The following TEKT4 variants were observed in gnomAD, a reference collection of about 807,000 sequenced individuals.
The protein encoded by TEKT4 is tektin-4.
Under a neutral mutation model 46.0 loss-of-function variants are expected in TEKT4, and 46 were observed. The ratio of observed to expected loss-of-function variants is 1.00; its 90% CI spans 0.79 to 1.28. The LOEUF is 1.28. Ranked by LOEUF, TEKT4 falls within the 50% of genes most tolerant of loss-of-function variation. The probability of loss-of-function intolerance (pLI) is 0.00; values close to 1 mark genes in which losing one functional copy is unlikely to be tolerated. For missense variants in TEKT4, 790 were observed against 622.9 expected (o/e 1.27, Z -2.85); for synonymous variants, 325 against 265.8 (o/e 1.22, Z -2.17).
rs1680857001 is a variant in TEKT4, at chr2:94,876,433, C to T, written c.1092-120C>T. On this transcript the variant is annotated intron_variant, in intron 5 of 5. Transcript: ENST00000295201. The stretch of plus-strand genomic sequence containing the variant: ...AGCTGCTTTCCTGATGGGGTTCTTT[C>T]ATGGAGTCTTCCCAGGACCTCCTGC... The T allele has an allele frequency of 1.5e-5, 12 of 797,162 alleles. 1 individual carries two copies. In the South Asian group the frequency reaches 2.1e-4, roughly 14 times the overall value. The allele number at this position is 797,162 out of a possible 1,614,324, so 49.4% of individuals were successfully genotyped here.
At position 94,874,089 on chromosome 2, in the gene TEKT4, T is replaced by G. The variant is rs559993035; in HGVS notation, c.694T>G (p.Ser232Ala). The G allele has an allele frequency of 6.2e-7, 1 of 1,613,402 alleles. No homozygotes were observed. Among genetic ancestry groups the G allele is most frequent in the Non-Finnish European group, 8.5e-7 (1 of 1,179,910 alleles). ...CACCGAGGTGCAGGCTCATCCGTAC[T>G]CCACCACCTTCCAAGAGAGGTGGGC... ...QSTEVQAHPY[S>A]TTFQESASTP... Residue 232 changes from serine to alanine, a missense_variant, in exon 3 of 6, where the codon TCC (serine) becomes GCC (alanine). Ser to Ala is a moderately conservative substitution (Grantham distance 99). Transcript: ENST00000295201.
At position 94,874,113 on chromosome 2, in the gene TEKT4, G is replaced by A. The variant is rs1553395606; in HGVS notation, c.713+5G>A. ...CTCCACCACCTTCCAAGAGAGGTGG[G>A]CCCCAGCTCTGCCCCTGCACTTGCC... is the stretch of plus-strand genomic sequence containing the variant. On this transcript the variant is annotated splice_donor_5th_base_variant and intron_variant, in intron 3 of 5. Transcript: ENST00000295201. The A allele has an allele frequency of 6.2e-6, 10 of 1,613,026 alleles. No homozygotes were observed. The highest frequency in any genetic ancestry group is 8.5e-6 in the Non-Finnish European group (10 of 1,179,702).
In TEKT4 at chr2:94,872,134, C is replaced by CT; in HGVS notation, c.498+57_498+58insT. 8 of 1,475,768 alleles carry CT rather than the reference C, an allele frequency of 5.4e-6. No individual in the cohort carries two copies. The Middle Eastern group carries it at 7.0e-4, about 129-fold the overall frequency. 91.4% of individuals were successfully genotyped at this position (1,475,768 alleles called of 1,614,324 possible). ...GGGCGCAGAGAGGAGGAGCCCCCCC[C>CT]CCCGCAGTTCATGTGGACAAGCCAC... is the stretch of plus-strand genomic sequence containing the variant. On this transcript the variant is annotated intron_variant, in intron 1 of 5. Coordinates refer to ENST00000295201, the MANE Select transcript of TEKT4 (RefSeq NM_144705.4).
intron 1 of TEKT4, chr2:94,872,792 T>G: frequency 7.8e-7 from 1 of 1,285,644 alleles, no homozygotes; most frequent in South Asian, 1.2e-5. Context: ...ATGCCTTCCC[T>G]CCTCCCTTCT....
rs1166658038 is a variant in TEKT4, at chr2:94,872,290, T to A, written c.498+213T>A. The A allele has an allele frequency of 2.2e-5, 14 of 625,012 alleles. No homozygotes were observed. The East Asian group carries it at 3.9e-4, about 17-fold the overall frequency. 38.7% of individuals were successfully genotyped at this position (625,012 alleles called of 1,614,324 possible). A position where few individuals can be genotyped will look rare whatever the true frequency, so the allele number is the denominator to read the frequency against. ...CTGACTTCCAAGCAGCTGTTTCTCC[T>A]CTCCTCCTCTAATCCCTTTGAGTCC... On this transcript the variant is annotated intron_variant, in intron 1 of 5. Transcript: ENST00000295201.
Position 94,872,743 on chromosome 2 carries a change from C to G in TEKT4, c.498+666C>G, listed in dbSNP as rs188278481. The G allele has an allele frequency of 3.8e-3, 4,423 of 1,158,210 alleles. 12 individuals carry two copies. Among genetic ancestry groups the G allele is most frequent in the Middle Eastern group, 0.013 (56 of 4,332 alleles). The allele number at this position is 1,158,210 out of a possible 1,614,324, so 71.7% of individuals were successfully genotyped here. On this transcript the variant is annotated intron_variant, in intron 1 of 5. Transcript: ENST00000295201. Reference sequence around the variant, plus strand: ...GGGCAGCTGGTCTCCTGCCATACCCCAAGCTCAGGCAAGAACCCTTGAGTC... The same window carrying G: ...GGGCAGCTGGTCTCCTGCCATACCCGAAGCTCAGGCAAGAACCCTTGAGTC...
rs76429495 is a variant in TEKT4 at position 94,872,177 on chromosome 2, G to A, written c.498+100G>A. ...CAAGCCACGTGGCTGCTGCAAGCAC[G>A]CGGGAGCCCAGCCCTCTGCACGTGA... is the stretch of plus-strand genomic sequence containing the variant. On this transcript the variant is annotated intron_variant, in intron 1 of 5. Coordinates refer to ENST00000295201, the MANE Select transcript of TEKT4 (RefSeq NM_144705.4). 2.8e-5 allele frequency: 39 copies of A among 1,414,700 alleles called. No individual in the cohort carries two copies. In the African/African-American group the frequency reaches 4.3e-4, roughly 16 times the overall value. 87.6% of individuals were successfully genotyped at this position (1,414,700 alleles called of 1,614,324 possible).
intron 3 of TEKT4, 55 bp from the exon 4 acceptor site, chr2:94,874,721 C>G: frequency 6.8e-7 from 1 of 1,466,184 alleles, no homozygotes; most frequent in Non-Finnish European, 9.1e-7. Flanking sequence ...CAGCAGGGCT[C>G]CCAGCCTTCG....
In TEKT4 at chr2:94,874,126, C is replaced by T. The variant is rs1680713990; in HGVS notation, c.713+18C>T. 1.2e-6 allele frequency: 2 copies of T among 1,610,702 alleles called. No homozygotes were observed. The highest frequency in any genetic ancestry group is 1.7e-6 in the Non-Finnish European group (2 of 1,178,006). On this transcript the variant is annotated intron_variant, in intron 3 of 5. Transcript: ENST00000295201. ...CAAGAGAGGTGGGCCCCAGCTCTGC[C>T]CCTGCACTTGCCCTGGCTGTGGTCT...
At position 94,871,628 on chromosome 2, in the gene TEKT4, G is replaced by A. The variant is rs370372624; in HGVS notation, c.49G>A (p.Val17Met). Reference sequence around the variant, plus strand: ...CGAGCTGCCCTGCAAAGAGTACGACGTGGCCCGTAACACGGGCGCCTACAC... The same window carrying A: ...CGAGCTGCCCTGCAAAGAGTACGACATGGCCCGTAACACGGGCGCCTACAC... ...PCELPCKEYD[V>M]ARNTGAYTSS... Residue 17 changes from valine to methionine, a missense_variant, in exon 1 of 6, where the codon GTG (valine) becomes ATG (methionine). Val to Met is a conservative substitution (Grantham distance 21). Transcript: ENST00000295201. The A allele has an allele frequency of 3.5e-5, 56 of 1,612,302 alleles. No individual in the cohort carries two copies. In the African/African-American group the frequency reaches 4.3e-4, roughly 12 times the overall value.
At position 94,872,081 on chromosome 2, in the gene TEKT4, C is replaced by G. The variant is rs782031674; in HGVS notation, c.498+4C>G. On this transcript the variant is annotated splice_donor_region_variant and intron_variant, in intron 1 of 5. Coordinates refer to ENST00000295201, the MANE Select transcript of TEKT4 (RefSeq NM_144705.4). ...TGTGGAAACGGAGCTGCTGAAGGTG[C>G]CAGCACCCTTGGGTGGCCGGGATTT... 3.3e-6 allele frequency: 5 copies of G among 1,536,192 alleles called. No homozygotes were observed. The South Asian group carries it at 4.8e-5, about 15-fold the overall frequency.
rs368156788 is a variant in TEKT4 at position 94,871,789 on chromosome 2, G to C, written c.210G>C (p.Gln70His). 14 of 1,611,780 alleles carry C rather than the reference G, an allele frequency of 8.7e-6. No individual in the cohort carries two copies. Among genetic ancestry groups the C allele is most frequent in the Non-Finnish European group, 1.0e-5 (12 of 1,179,612 alleles). Reference sequence around the variant, plus strand: ...CGGAGCGGCAGCGGCACGAGAGCCAGCAGCTGGCCACAGAGACCCAGGCGC... The same window carrying C: ...CGGAGCGGCAGCGGCACGAGAGCCACCAGCTGGCCACAGAGACCCAGGCGC... ...DQSERQRHES[Q>H]QLATETQALA... The change falls in exon 1 of 6, where the codon CAG becomes CAC. Residue 70 changes from glutamine to histidine, a missense_variant. Gln to His is a conservative substitution (Grantham distance 24, BLOSUM62 0). Coordinates refer to ENST00000295201, the MANE Select transcript of TEKT4 (RefSeq NM_144705.4).
chr2:94,872,883 A>G (rs1403250721), intron 1 of TEKT4: 1 of 1,289,218 alleles, frequency 7.8e-7, no homozygotes, highest in Non-Finnish European at 1.0e-6. Context: ...CTCTGCCCGC[A>G]ACAAGGGCAC....
intron 2 of TEKT4, 30 bp from the exon 3 acceptor site, chr2:94,873,935 A>T: frequency 6.2e-7 from 1 of 1,610,912 alleles, no homozygotes; most frequent in Non-Finnish European, 8.5e-7. Context: ...CCCTGGGCAC[A>T]CATCAAGGCC....
intron 3 of TEKT4, among the ~76,000 whole-genome samples, 181 bp downstream of exon 3, chr2:94,874,289 G>A (rs553038063): frequency 9.8e-5 from 15 of 152,348 alleles, no homozygotes; most frequent in African/African-American, 3.4e-4. Flanking sequence ...TGTCCAGCGC[G>A]TGCACAGCCT....
At chr2:94,872,131 C>CG in intron 1 of TEKT4, 54 bp downstream of exon 1, 3 of 1,476,214 alleles carry the variant, frequency 2.0e-6, no homozygotes, top group East Asian at 2.5e-5. Context: ...GAGGAGCCCC[C>CG]CCCCCCGCAG....
chr2:94,875,868 T>A, intron 5 of TEKT4, 126 bp downstream of exon 5: 1 of 955,192 alleles, frequency 1.0e-6, no homozygotes, highest in East Asian at 2.6e-5. Context: ...GGAGGGAGAC[T>A]TTGGGGCCAC....
Position 94,873,534 on chromosome 2 carries a change from C to CGG in TEKT4, c.513_514insGG (p.Arg172GlyfsTer8). On this transcript the variant is annotated frameshift_variant, in exon 2 of 6. Coordinates refer to ENST00000295201, the MANE Select transcript of TEKT4 (RefSeq NM_144705.4). LOFTEE classifies it high-confidence loss of function. The stretch of plus-strand genomic sequence containing the variant: ...TCCTCCCTCAGGAAGCCGAGCTCAT[C>CGG]CGGAACATTCAGGAGCTGCTGAAGA... 1 of 1,612,502 alleles carries CGG rather than the reference C, an allele frequency of 6.2e-7. No individual in the cohort carries two copies. The highest frequency in any genetic ancestry group is 1.1e-5 in the South Asian group (1 of 91,008).
chr2:94,873,488 G>C (rs781795256), intron 1 of TEKT4, 32 bp from the exon 2 acceptor site: 4 of 1,611,874 alleles, frequency 2.5e-6, no homozygotes, highest in Non-Finnish European at 3.4e-6. Context: ...ACCAGGGACT[G>C]GCTCTGGTGC....
Sources: gnomAD v4.1 joint callset for allele counts (sites outside exome capture counted in the v4.1 genomes callset) on GRCh38, gnomAD v4.1.1 for gene constraint, MANE v1.5 for transcripts, NCBI Gene and HGNC (gene_info 2026-07-23, HGNC 2026-07-21) for gene names.